ARID5B: variants seen among roughly 807,000 people sequenced by gnomAD.
ARID5B encodes the protein AT-rich interactive domain-containing protein 5B.
A neutral mutation model predicts 97.2 loss-of-function variants in ARID5B; 13 were observed. The observed-to-expected ratio is 0.13, with a 90% CI of 0.09 to 0.21. ARID5B has a LOEUF of 0.21. ARID5B is among the 10% of genes least tolerant of loss of function. The probability of loss-of-function intolerance (pLI) is 1.00; values close to 1 mark genes in which losing one functional copy is unlikely to be tolerated. For synonymous variants in ARID5B, 556 were observed against 570.3 expected (o/e 0.97, Z 0.36); for missense variants, 1,210 against 1,465.3 (o/e 0.83, Z 2.84).
chr10:62,064,672 T>C (rs1365189451), intron 7 of ARID5B, among the ~76,000 whole-genome samples: 1 of 152,070 alleles, frequency 6.6e-6, no homozygotes, highest in Non-Finnish European at 1.5e-5. Context: ...ACCAGTCTTC[T>C]TGACCAGGTG....
At chr10:62,009,200 G>A (rs56158918) in intron 4 of ARID5B, among the ~76,000 whole-genome samples, 28,561 of 152,112 alleles carry the variant, frequency 0.19, 3,403 homozygotes, top group Middle Eastern at 0.28. Flanking sequence ...TTAGGAAGTT[G>A]CCTAGAAATT....
intron 3 of ARID5B, among the ~76,000 whole-genome samples, chr10:61,950,985 C>T (rs1376098061): frequency 1.3e-5 from 2 of 152,106 alleles, no homozygotes; most frequent in East Asian, 1.9e-4. Context: ...TCTTAATACT[C>T]GGTGGTATTG....
intron 4 of ARID5B, among the ~76,000 whole-genome samples, chr10:62,042,256 A>G (rs1839647364): frequency 6.6e-6 from 1 of 152,248 alleles, no homozygotes; most frequent in African/African-American, 2.4e-5. Context: ...ATAGTATAGC[A>G]TTGAAACAAC....
In ARID5B at chr10:62,058,819, A is replaced by AT. The variant is rs575283988; in HGVS notation, c.1049-421dup. Among the ~76,000 whole-genome samples the AT allele has an allele frequency of 1.4e-4, 21 of 152,308 alleles. 1 individual carries two copies. The South Asian group carries it at 3.7e-3, about 27-fold the overall frequency. ...GTAATCGTATATTAAAGTGGCTGTT[A>AT]TTTATTGATTATGGAGAGTTCTTAT... On this transcript the variant is annotated intron_variant, in intron 6 of 9. Transcript: ENST00000279873.
chr10:62,092,001 C>T lies in ARID5B; in HGVS notation c.2538C>T (p.His846=). The T allele has an allele frequency of 6.2e-7, 1 of 1,614,128 alleles. No homozygotes were observed. The highest frequency in any genetic ancestry group is 8.5e-7 in the Non-Finnish European group (1 of 1,180,014). Residue 846 remains histidine (H), a synonymous_variant, in exon 10 of 10, where the codon CAC becomes CAT. Coordinates refer to ENST00000279873, the MANE Select transcript of ARID5B (RefSeq NM_032199.3). The part of the protein sequence containing the change: ...HLHSLYRHTE[H]HLHNEQTSKY... ...ATAGCCTCTACAGACACACCGAGCACCATCTTCATAATGAACAGACATCCA... is the reference window on the plus strand; with the variant it reads ...ATAGCCTCTACAGACACACCGAGCATCATCTTCATAATGAACAGACATCCA...
chr10:62,084,336 G>A (rs968110830), intron 8 of ARID5B, among the ~76,000 whole-genome samples: 1 of 152,210 alleles, frequency 6.6e-6, no homozygotes, highest in Non-Finnish European at 1.5e-5. Flanking sequence ...GAACAATCGT[G>A]TATGGTTAAG....
chr10:61,978,744 C>A (rs1838735645), intron 3 of ARID5B, among the ~76,000 whole-genome samples: 1 of 152,158 alleles, frequency 6.6e-6, no homozygotes. Context: ...TGCTTATCAG[C>A]TTAAGGGGAT....
rs1840449416 is a variant in ARID5B, at chr10:62,095,158, A to C, written c.*2128A>C. On this transcript the variant is annotated 3_prime_UTR_variant, in exon 10 of 10. Coordinates refer to ENST00000279873, the MANE Select transcript of ARID5B (RefSeq NM_032199.3). ...GATAGACTAGTAGAATTTAGATTATAAATGTGTGAGTGCAGATTATCCTGC... is the reference window on the plus strand; with the variant it reads ...GATAGACTAGTAGAATTTAGATTATCAATGTGTGAGTGCAGATTATCCTGC... The C allele has an allele frequency of 4.3e-6, 1 of 232,658 alleles. No homozygotes were observed. Among genetic ancestry groups the C allele is most frequent in the East Asian group, 6.1e-5 (1 of 16,474 alleles). The allele number at this position is 232,658 out of a possible 1,614,324, so 14.4% of individuals were successfully genotyped here.
At chr10:61,949,825 G>C (rs1277608926) in intron 3 of ARID5B, among the ~76,000 whole-genome samples, 1 of 152,172 alleles carries the variant, frequency 6.6e-6, no homozygotes, top group Non-Finnish European at 1.5e-5. Flanking sequence ...TCCTTGCTAT[G>C]CCTTTAGTTT....
chr10:61,963,175 T>G (rs1838496063), intron 3 of ARID5B, among the ~76,000 whole-genome samples: 1 of 152,208 alleles, frequency 6.6e-6, no homozygotes, highest in South Asian at 2.1e-4. Context: ...AAATAAGATA[T>G]TCCCGCATGT....
chr10:61,969,168 T>G (rs1435083257), intron 3 of ARID5B, among the ~76,000 whole-genome samples: 2 of 152,146 alleles, frequency 1.3e-5, no homozygotes, highest in African/African-American at 4.8e-5. Flanking sequence ...CCCCCCCAAA[T>G]AAAGTGCTTT....
Position 62,094,132 on chromosome 10 carries a change from G to C in ARID5B, c.*1102G>C, listed in dbSNP as rs750665851. The C allele has an allele frequency of 1.4e-4, 33 of 233,238 alleles. No homozygotes were observed. Among genetic ancestry groups the C allele is most frequent in the Non-Finnish European group, 2.6e-4 (31 of 117,946 alleles). 14.4% of individuals were successfully genotyped at this position (233,238 alleles called of 1,614,324 possible). A position where few individuals can be genotyped will look rare whatever the true frequency, so the allele number is the denominator to read the frequency against. ...ACAACAGAGTCTAGAGGACATATTT[G>C]TGGGCTGCACAGATATTTTAGGAAT... On this transcript the variant is annotated 3_prime_UTR_variant, in exon 10 of 10. Coordinates refer to ENST00000279873, the MANE Select transcript of ARID5B (RefSeq NM_032199.3).
Position 62,092,162 on chromosome 10 carries a change from C to G in ARID5B, c.2699C>G (p.Pro900Arg), listed in dbSNP as rs1446678326. 15 of 1,609,200 alleles carry G rather than the reference C, an allele frequency of 9.3e-6. No homozygotes were observed. Among genetic ancestry groups the G allele is most frequent in the Admixed American group, 1.7e-5 (1 of 59,118 alleles). ...AAAAAGTCGGCGGCAGCAGAAGCCCCTACGGATGATCAGCCTACAGATCTG... is the reference window on the plus strand; with the variant it reads ...AAAAAGTCGGCGGCAGCAGAAGCCCGTACGGATGATCAGCCTACAGATCTG... ...QDKKSAAAEA[P>R]TDDQPTDLSL... The change falls in exon 10 of 10, where the codon CCT (proline) becomes CGT (arginine). Residue 900 changes from proline (P) to arginine (R), a missense_variant. Pro to Arg is a moderately radical substitution (Grantham distance 103, BLOSUM62 -2). Around this residue, in one of 8 missense-constraint regions of ARID5B, gnomAD observed 800 missense variants for 839.1 expected, o/e 0.95. Transcript: ENST00000279873.
Position 62,080,304 on chromosome 10 carries a change from G to A in ARID5B, c.1200-5398G>A, listed in dbSNP as rs546071894. ...ACACCATAAAATGGAGATCTTCTGT[G>A]GCTCACATCTCTCTCAGATGGAGCT... On this transcript the variant is annotated intron_variant, in intron 8 of 9. Transcript: ENST00000279873. 7.9e-5 allele frequency among the ~76,000 whole-genome samples: 12 copies of A among 152,206 alleles called. No individual in the cohort carries two copies. In the South Asian group the frequency reaches 2.5e-3, roughly 32 times the overall value.
chr10:61,924,671 T>G (rs1844071762), intron 2 of ARID5B, among the ~76,000 whole-genome samples: 1 of 152,196 alleles, frequency 6.6e-6, no homozygotes, highest in African/African-American at 2.4e-5. Context: ...GAAGATTTAC[T>G]CGGTTTGTAC....
chr10:61,977,810 G>T (rs1322932111), intron 3 of ARID5B, among the ~76,000 whole-genome samples: 1 of 152,166 alleles, frequency 6.6e-6, no homozygotes, highest in Non-Finnish European at 1.5e-5. Flanking sequence ...TCTGTAGGTT[G>T]CCTGTTCACT....
intron 2 of ARID5B, among the ~76,000 whole-genome samples, chr10:61,914,704 T>C (rs755788414): frequency 6.6e-6 from 1 of 152,264 alleles, no homozygotes; most frequent in Non-Finnish European, 1.5e-5. Flanking sequence ...TGACCACTTA[T>C]ATGTCAGGCA....
At chr10:62,088,043 C>G (rs1840316086) in intron 9 of ARID5B, among the ~76,000 whole-genome samples, 1 of 151,904 alleles carries the variant, frequency 6.6e-6, no homozygotes, top group African/African-American at 2.4e-5. Flanking sequence ...ATTTTTGTAT[C>G]TTTAGTAGAG....
chr10:61,979,569 G>A (rs555978343), intron 3 of ARID5B, among the ~76,000 whole-genome samples: 10 of 152,172 alleles, frequency 6.6e-5, no homozygotes, highest in East Asian at 1.9e-4. Context: ...CGTCTCCCAC[G>A]TGGAGGCCCC....
Sources: allele counts gnomAD v4.1 joint callset (sites outside exome capture counted in the v4.1 genomes callset), GRCh38; gene constraint gnomAD v4.1.1; regional missense constraint gnomAD v4.1.1; transcripts MANE v1.5; gene names NCBI Gene and HGNC (gene_info 2026-07-23, HGNC 2026-07-21).